Variants in NRXN3 observed in about 807,000 individuals in gnomAD.
The protein encoded by NRXN3 is neurexin III.
Under a neutral mutation model 137.6 loss-of-function variants are expected in NRXN3, and 32 were observed. The observed-to-expected ratio is 0.23, with a 90% CI of 0.18 to 0.31. The LOEUF (loss-of-function observed/expected upper bound fraction) is 0.31, where lower values mean the gene tolerates loss of function less well. NRXN3 is among the 10% of genes least tolerant of loss of function. The probability of loss-of-function intolerance (pLI) is 1.00; values close to 1 mark genes in which losing one functional copy is unlikely to be tolerated. For synonymous variants in NRXN3, 798 were observed against 784.5 expected (o/e 1.02, Z -0.29); for missense variants, 1,574 against 2,062.5 (o/e 0.76, Z 4.59).
chr14:78,512,826 G>A lies in NRXN3; in HGVS notation c.758-132294G>A, dbSNP rs376315817. Among the ~76,000 whole-genome samples the A allele has an allele frequency of 1.9e-3, 285 of 152,286 alleles. 1 individual carries two copies. Among genetic ancestry groups the A allele is most frequent in the African/African-American group, 6.5e-3 (272 of 41,576 alleles). ...CACAAGGTAGGAAGAGTTTGAAGCT[G>A]TGATCTCTTAGAATAAGAGCTTTTC... is the stretch of plus-strand genomic sequence containing the variant. On this transcript the variant is annotated intron_variant, in intron 4 of 20. Coordinates refer to ENST00000335750, the MANE Select transcript of NRXN3 (RefSeq NM_001330195.2).
At chr14:78,309,900 A>G (rs1350324486) in intron 4 of NRXN3, among the ~76,000 whole-genome samples, 2 of 152,048 alleles carry the variant, frequency 1.3e-5, no homozygotes, top group East Asian at 3.9e-4. Flanking sequence ...TACATTTTCT[A>G]TTTTGATTGG....
chr14:79,231,640 A>G (rs564110724), intron 15 of NRXN3, among the ~76,000 whole-genome samples: 2 of 152,322 alleles, frequency 1.3e-5, no homozygotes, highest in South Asian at 4.1e-4. Flanking sequence ...TAAGAGTCAG[A>G]GGCATTCAAT....
At chr14:78,581,582 G>A (rs757354362) in intron 4 of NRXN3, among the ~76,000 whole-genome samples, 3 of 152,178 alleles carry the variant, frequency 2.0e-5, no homozygotes, top group Non-Finnish European at 2.9e-5. Context: ...TCAGACCATA[G>A]CATTTCTTCT....
chr14:78,429,438 T>A (rs1283411316), intron 4 of NRXN3, among the ~76,000 whole-genome samples: 3 of 152,216 alleles, frequency 2.0e-5, no homozygotes, highest in Non-Finnish European at 4.4e-5. Flanking sequence ...AGCTTTCTTC[T>A]TTTTAGTGTG....
At chr14:79,525,821 G>A (rs757455792) in intron 16 of NRXN3, among the ~76,000 whole-genome samples, 4 of 152,180 alleles carry the variant, frequency 2.6e-5, no homozygotes, top group Non-Finnish European at 5.9e-5. Flanking sequence ...ACAGACTACA[G>A]TTGGCATATG....
At chr14:78,953,971 G>A (rs919029826) in intron 10 of NRXN3, among the ~76,000 whole-genome samples, 8 of 151,986 alleles carry the variant, frequency 5.3e-5, no homozygotes, top group African/African-American at 1.9e-4. Context: ...CTTTACTTAC[G>A]TGAATCACTC....
intron 1 of NRXN3, among the ~76,000 whole-genome samples, chr14:78,195,331 G>GTTCA (rs942943982): frequency 1.4e-4 from 21 of 151,900 alleles, no homozygotes; most frequent in East Asian, 3.9e-4. Flanking sequence ...TCGTTCGTTC[G>GTTCA]TTCATTCATT....
chr14:79,697,659 G>T lies in NRXN3; in HGVS notation c.3736G>T (p.Ala1246Ser). ...GRQLTIFNTQ[A>S]QIAIGGKDKG... ...GCAGTTAACCATCTTCAACACTCAG[G>T]CGCAAATAGCCATTGGTGGAAAGGA... Residue 1246 changes from alanine to serine, a missense_variant, in exon 19 of 21, where the codon GCG (alanine) becomes TCG (serine). Transcript: ENST00000335750. The T allele has an allele frequency of 6.2e-7, 1 of 1,612,638 alleles. No homozygotes were observed. Among genetic ancestry groups the T allele is most frequent in the Non-Finnish European group, 8.5e-7 (1 of 1,179,090 alleles).
intron 15 of NRXN3, among the ~76,000 whole-genome samples, chr14:79,228,577 G>A (rs1172616839): frequency 6.6e-6 from 1 of 152,122 alleles, no homozygotes; most frequent in Non-Finnish European, 1.5e-5. Flanking sequence ...GCAATTGGTA[G>A]GTAAAGATAA....
At chr14:79,565,225 GTA>G (rs543839196) in intron 16 of NRXN3, among the ~76,000 whole-genome samples, 1,458 of 143,616 alleles carry the variant, frequency 0.01, 16 homozygotes, top group Non-Finnish European at 0.016. Flanking sequence ...ATATGTGTGT[GTA>G]TATATACATA....
chr14:78,916,195 AAT>A (rs2099254989), intron 10 of NRXN3, among the ~76,000 whole-genome samples: 1 of 152,110 alleles, frequency 6.6e-6, no homozygotes, highest in South Asian at 2.1e-4. Context: ...ATTACACTGG[AAT>A]GGGTATAAAT....
At chr14:78,249,165 C>G (rs2068190325) in intron 2 of NRXN3, among the ~76,000 whole-genome samples, 1 of 152,232 alleles carries the variant, frequency 6.6e-6, no homozygotes, top group African/African-American at 2.4e-5. Flanking sequence ...TCCATGTTCC[C>G]CCTTCAATGA....
At chr14:79,017,811 G>C (rs972986408) in intron 15 of NRXN3, among the ~76,000 whole-genome samples, 1 of 152,032 alleles carries the variant, frequency 6.6e-6, no homozygotes, top group African/African-American at 2.4e-5. Context: ...TGGGCCTTTC[G>C]TGTCAGAATC....
chr14:79,679,846 T>C (rs1457969771), intron 17 of NRXN3, among the ~76,000 whole-genome samples: 1 of 152,180 alleles, frequency 6.6e-6, no homozygotes, highest in African/African-American at 2.4e-5. Flanking sequence ...AATGCTATTC[T>C]GGCCATCACA....
chr14:79,072,905 C>T (rs768040910), intron 15 of NRXN3, among the ~76,000 whole-genome samples: 101 of 136,944 alleles, frequency 7.4e-4, no homozygotes, highest in South Asian at 1.2e-3. Flanking sequence ...TTTTTTGAGA[C>T]GGATAGTTTC....
chr14:79,138,177 A>T (rs757529605), intron 15 of NRXN3, among the ~76,000 whole-genome samples: 1 of 152,190 alleles, frequency 6.6e-6, no homozygotes. Context: ...TTTATTAGTG[A>T]CAGGGTTTTG....
At chr14:78,657,993 G>A (rs551481595) in intron 6 of NRXN3, among the ~76,000 whole-genome samples, 12 of 151,732 alleles carry the variant, frequency 7.9e-5, no homozygotes, top group Non-Finnish European at 1.3e-4. Context: ...CCCCATCTCC[G>A]TTCCGTTTTT....
At chr14:78,634,870 G>C (rs936963506) in intron 4 of NRXN3, among the ~76,000 whole-genome samples, 10 of 152,042 alleles carry the variant, frequency 6.6e-5, no homozygotes, top group Non-Finnish European at 1.3e-4. Flanking sequence ...ATTAGTGGGG[G>C]TCAATTTTAT....
chr14:79,415,496 A>T (rs1057188112), intron 15 of NRXN3, among the ~76,000 whole-genome samples: 1 of 152,106 alleles, frequency 6.6e-6, no homozygotes, highest in African/African-American at 2.4e-5. Flanking sequence ...ATTTCATGGG[A>T]GGGTCTTGAA....
Sources: gnomAD v4.1 joint callset for allele counts (sites outside exome capture counted in the v4.1 genomes callset) on GRCh38, gnomAD v4.1.1 for gene constraint, MANE v1.5 for transcripts, NCBI Gene and HGNC (gene_info 2026-07-23, HGNC 2026-07-21) for gene names.